Variants in EPHB1 observed in about 807,000 individuals in gnomAD.
EPHB1 encodes the protein ephrin type-B receptor 1.
A neutral mutation model predicts 94.4 loss-of-function variants in EPHB1; 30 were observed. That is an observed-to-expected ratio of 0.32 (90% CI 0.24 to 0.43). EPHB1 has a LOEUF of 0.43. Among genes scored for constraint, EPHB1 ranks in the 20% least tolerant of loss-of-function variants. The pLI, the probability that EPHB1 is intolerant of heterozygous loss-of-function variation, is 1.00. For synonymous variants in EPHB1, 522 were observed against 489.1 expected (o/e 1.07, Z -0.89); for missense variants, 1,055 against 1,308.3 (o/e 0.81, Z 2.99).
intron 1 of EPHB1, among the ~76,000 whole-genome samples, chr3:134,882,371 A>T (rs757408349): frequency 6.6e-6 from 1 of 152,198 alleles, no homozygotes; most frequent in Non-Finnish European, 1.5e-5. Context: ...AATACAACAA[A>T]TGCTCATATT....
At chr3:134,875,328 G>A (rs1335678283) in intron 1 of EPHB1, among the ~76,000 whole-genome samples, 1 of 152,214 alleles carries the variant, frequency 6.6e-6, no homozygotes, top group Non-Finnish European at 1.5e-5. Flanking sequence ...GGCGGACAGA[G>A]GGGAGCAGAA....
At chr3:135,115,733 G>C (rs1168725962) in intron 4 of EPHB1, among the ~76,000 whole-genome samples, 1 of 152,072 alleles carries the variant, frequency 6.6e-6, no homozygotes, top group Non-Finnish European at 1.5e-5. Context: ...TAACTTATCT[G>C]AATCTCTATT....
At chr3:135,214,829 G>A (rs150199808) in intron 12 of EPHB1, among the ~76,000 whole-genome samples, 217 of 152,192 alleles carry the variant, frequency 1.4e-3, no homozygotes, top group African/African-American at 4.6e-3. Flanking sequence ...CAGCAATGTC[G>A]CCTGAGAAAG....
At chr3:134,940,109 T>C (rs1264485662) in intron 2 of EPHB1, among the ~76,000 whole-genome samples, 1 of 149,850 alleles carries the variant, frequency 6.7e-6, no homozygotes, top group Admixed American at 6.6e-5. Context: ...TCTCTGTGTC[T>C]GTAAGGAGAG....
At chr3:134,801,489 C>T (rs1220822072) in intron 1 of EPHB1, among the ~76,000 whole-genome samples, 1 of 152,178 alleles carries the variant, frequency 6.6e-6, no homozygotes, top group Admixed American at 6.5e-5. Context: ...ACCTGGATTC[C>T]AGGAGTCTGC....
At chr3:135,221,873 G>C (rs981185351) in intron 12 of EPHB1, among the ~76,000 whole-genome samples, 4 of 152,186 alleles carry the variant, frequency 2.6e-5, no homozygotes, top group African/African-American at 9.7e-5. Context: ...AGAATCACTA[G>C]TAAATGGTTC....
At chr3:134,976,403 A>G (rs1301103015) in intron 3 of EPHB1, among the ~76,000 whole-genome samples, 2 of 152,230 alleles carry the variant, frequency 1.3e-5, no homozygotes, top group African/African-American at 2.4e-5. Context: ...TCAATTCACC[A>G]GGAAGTTGAA....
chr3:135,000,320 C>T (rs1559789145), intron 3 of EPHB1, among the ~76,000 whole-genome samples: 1 of 152,202 alleles, frequency 6.6e-6, no homozygotes, highest in Non-Finnish European at 1.5e-5. Flanking sequence ...GGTGATGAGG[C>T]ATCATCTCTG....
At chr3:135,012,795 C>T (rs975326645) in intron 3 of EPHB1, among the ~76,000 whole-genome samples, 1 of 152,196 alleles carries the variant, frequency 6.6e-6, no homozygotes, top group African/African-American at 2.4e-5. Flanking sequence ...TAAACATCAG[C>T]TCAAGCTTCT....
chr3:135,071,793 T>C (rs929131262), intron 3 of EPHB1, among the ~76,000 whole-genome samples: 1 of 152,206 alleles, frequency 6.6e-6, no homozygotes, highest in Non-Finnish European at 1.5e-5. Flanking sequence ...GGGTGGCTAA[T>C]AGACATTTCC....
At chr3:134,920,664 A>C (rs1327629597) in intron 1 of EPHB1, among the ~76,000 whole-genome samples, 1 of 152,146 alleles carries the variant, frequency 6.6e-6, no homozygotes, top group East Asian at 1.9e-4. Context: ...AAGAGGGTTT[A>C]TTTCCTTTTC....
chr3:135,240,658 C>T (rs1210966037), intron 12 of EPHB1, among the ~76,000 whole-genome samples: 1 of 152,162 alleles, frequency 6.6e-6, no homozygotes, highest in Non-Finnish European at 1.5e-5. Flanking sequence ...GGGCAGAGGG[C>T]AGCATAGCAT....
chr3:135,135,534 A>G (rs1940592024), intron 5 of EPHB1, among the ~76,000 whole-genome samples: 1 of 152,232 alleles, frequency 6.6e-6, no homozygotes, highest in Non-Finnish European at 1.5e-5. Flanking sequence ...ACTCAGATCC[A>G]TTAAGGGCTG....
chr3:135,122,221 T>G (rs188690522), intron 4 of EPHB1, among the ~76,000 whole-genome samples: 1 of 152,096 alleles, frequency 6.6e-6, no homozygotes, highest in Non-Finnish European at 1.5e-5. Flanking sequence ...CTGTCAAGGA[T>G]CAATGAATGA....
intron 3 of EPHB1, among the ~76,000 whole-genome samples, chr3:134,983,905 CT>C (rs1333559469): frequency 6.6e-6 from 1 of 152,220 alleles, no homozygotes; most frequent in African/African-American, 2.4e-5. Flanking sequence ...ATGGCTGCAT[CT>C]TTGGTCCCCG....
intron 12 of EPHB1, among the ~76,000 whole-genome samples, chr3:135,215,168 C>CTT (rs977225299): frequency 6.9e-6 from 1 of 145,072 alleles, no homozygotes; most frequent in East Asian, 2.0e-4. Flanking sequence ...TTTCTTTTTT[C>CTT]TTTTTTTTTT....
intron 1 of EPHB1, among the ~76,000 whole-genome samples, chr3:134,853,486 A>C (rs971872334): frequency 6.6e-6 from 1 of 152,268 alleles, no homozygotes; most frequent in Non-Finnish European, 1.5e-5. Context: ...CAAAGATGGC[A>C]TCCAGGTTTC....
intron 3 of EPHB1, among the ~76,000 whole-genome samples, chr3:135,007,707 C>T (rs558128942): frequency 6.6e-6 from 1 of 152,230 alleles, no homozygotes; most frequent in Non-Finnish European, 1.5e-5. Flanking sequence ...ATAAAGAGCA[C>T]CTTCTCTTGG....
At chr3:134,862,971 A>G (rs2037299080) in intron 1 of EPHB1, among the ~76,000 whole-genome samples, 1 of 152,162 alleles carries the variant, frequency 6.6e-6, no homozygotes, top group South Asian at 2.1e-4. Context: ...GCTTTTCTGA[A>G]AACCACTCTG....
Sources: allele counts gnomAD v4.1 joint callset (sites outside exome capture counted in the v4.1 genomes callset), GRCh38; gene constraint gnomAD v4.1.1; transcripts MANE v1.5; gene names NCBI Gene and HGNC (gene_info 2026-07-23, HGNC 2026-07-21).